MCRIP1: variants seen among roughly 807,000 people sequenced by gnomAD.
The protein encoded by MCRIP1 is mapk-regulated corepressor-interacting protein 1.
A neutral mutation model predicts 14.4 loss-of-function variants in MCRIP1; 10 were observed. The ratio of observed to expected loss-of-function variants is 0.70; its 90% CI spans 0.43 to 1.18. The LOEUF (loss-of-function observed/expected upper bound fraction) is 1.18, where lower values mean the gene tolerates loss of function less well. MCRIP1 is among the 50% of genes most tolerant of loss of function. The probability of loss-of-function intolerance (pLI) is 0.00; values close to 1 mark genes in which losing one functional copy is unlikely to be tolerated. For missense variants in MCRIP1, 119 were observed against 135.4 expected (o/e 0.88, Z 0.60); for synonymous variants, 53 against 55.7 (o/e 0.95, Z 0.21).
chr17:81,830,948 C>G (rs539110192), intron 1 of MCRIP1, among the ~76,000 whole-genome samples: 11 of 151,016 alleles, frequency 7.3e-5, no homozygotes, highest in Non-Finnish European at 1.3e-4. Flanking sequence ...GAAGGATCAT[C>G]TGAGGTCAGG....
Position 81,823,253 on chromosome 17 carries a change from C to G in MCRIP1, c.288G>C (p.Lys96Asn). The change falls in exon 5 of 5, where the codon AAG becomes AAC. Residue 96 changes from lysine to asparagine, a missense_variant. Physicochemically the swap from Lys to Asn is moderately conservative, Grantham distance 94 (BLOSUM62 0). Coordinates refer to ENST00000455127, the MANE Select transcript of MCRIP1 (RefSeq NM_207368.5). The surrounding 1 kb of genome is among the most constrained non-coding windows in gnomAD (Gnocchi z 6.0). ...GGGAGGGGCACCGGGCGCTCTAGGACTTCTTGGCATCCTGCGTGCTCCGGC... is the reference window on the plus strand; with the variant it reads ...GGGAGGGGCACCGGGCGCTCTAGGAGTTCTTGGCATCCTGCGTGCTCCGGC... The part of the protein sequence containing the change: ...LKRRSTQDAK[K>N]S 1 of 1,536,764 alleles carries G rather than the reference C, an allele frequency of 6.5e-7. No individual in the cohort carries two copies. The highest frequency in any genetic ancestry group is 8.7e-7 in the Non-Finnish European group (1 of 1,146,804).
At chr17:81,824,822 TC>T (rs1311631791) in intron 1 of MCRIP1, 2 of 1,340,030 alleles carry the variant, frequency 1.5e-6, no homozygotes, top group African/African-American at 3.0e-5. Context: ...GCGGCCTTGA[TC>T]CTCCACGTCT....
chr17:81,828,545 T>C (rs1344876906), intron 1 of MCRIP1, among the ~76,000 whole-genome samples: 1 of 152,046 alleles, frequency 6.6e-6, no homozygotes, highest in African/African-American at 2.4e-5. Flanking sequence ...CTGGAGAATT[T>C]CACTCGTAAT....
chr17:81,831,210 T>C (rs1229901173), intron 1 of MCRIP1, among the ~76,000 whole-genome samples: 1 of 148,644 alleles, frequency 6.7e-6, no homozygotes, highest in East Asian at 2.0e-4. Context: ...CATGGTGGTA[T>C]GCACCTGTAA....
intron 1 of MCRIP1, chr17:81,825,727 C>A (rs551301179): frequency 3.6e-5 from 47 of 1,289,334 alleles, no homozygotes; most frequent in Admixed American, 2.5e-4. Context: ...GGAGTGAGGT[C>A]CAAAAAGGGC....
chr17:81,827,944 C>G (rs1009606671), intron 1 of MCRIP1, among the ~76,000 whole-genome samples: 1 of 151,760 alleles, frequency 6.6e-6, no homozygotes, highest in African/African-American at 2.4e-5. Flanking sequence ...CCACGCCCAG[C>G]TAATTTTTTC....
chr17:81,826,185 C>G, intron 1 of MCRIP1: 2 of 1,507,138 alleles, frequency 1.3e-6, no homozygotes, highest in Non-Finnish European at 1.8e-6. Flanking sequence ...CCCACATCCT[C>G]CCAAGCAACT....
chr17:81,832,319 G>A (rs146960157), intron 1 of MCRIP1, among the ~76,000 whole-genome samples: 97 of 152,220 alleles, frequency 6.4e-4, no homozygotes, highest in African/African-American at 2.2e-3. Flanking sequence ...TCTAAGCGCT[G>A]CACCACCTCC....
At chr17:81,825,250 G>A in intron 1 of MCRIP1, 4 of 1,090,624 alleles carry the variant, frequency 3.7e-6, no homozygotes, top group Non-Finnish European at 2.2e-6. Flanking sequence ...CCCGTTTATG[G>A]CCTCCCAGCC....
intron 1 of MCRIP1, chr17:81,825,470 T>A (rs1598249934): frequency 1.7e-6 from 2 of 1,198,550 alleles, no homozygotes; most frequent in East Asian, 1.2e-4. Context: ...GAGGGGGCTT[T>A]GAGCACAAGC....
chr17:81,829,421 C>T (rs952454693), intron 1 of MCRIP1, among the ~76,000 whole-genome samples: 2 of 152,250 alleles, frequency 1.3e-5, no homozygotes, highest in African/African-American at 2.4e-5. Flanking sequence ...GTTTTCCTTC[C>T]CTCTTTCTGT....
At chr17:81,826,465 G>A (rs942177995) in intron 1 of MCRIP1, 5 of 1,250,396 alleles carry the variant, frequency 4.0e-6, no homozygotes, top group Non-Finnish European at 5.6e-6. Flanking sequence ...CAAGGCTGCA[G>A]GGAGCCAAGA....
intron 1 of MCRIP1, chr17:81,824,821 A>C: frequency 2.2e-6 from 3 of 1,335,626 alleles, no homozygotes; most frequent in Non-Finnish European, 1.9e-6. Flanking sequence ...AGCGGCCTTG[A>C]TCCTCCACGT....
Position 81,825,415 on chromosome 17 carries a change from G to C in MCRIP1, c.-48-861C>G, listed in dbSNP as rs527675688. On this transcript the variant is annotated intron_variant, in intron 1 of 4. Transcript: ENST00000455127. The stretch of plus-strand genomic sequence containing the variant: ...GTCTCCAGCCTGCCCTGCTCCAGAG[G>C]GGGCAACTCCAGGTTCTGGGGGAGG... 1.6e-5 allele frequency: 19 copies of C among 1,189,826 alleles called. No individual in the cohort carries two copies. In the East Asian group the frequency reaches 2.3e-4, roughly 15 times the overall value. 73.7% of individuals were successfully genotyped at this position (1,189,826 alleles called of 1,614,324 possible).
At chr17:81,829,102 T>C (rs1232297656) in intron 1 of MCRIP1, among the ~76,000 whole-genome samples, 1 of 152,074 alleles carries the variant, frequency 6.6e-6, no homozygotes. Flanking sequence ...CAGGGGACAA[T>C]GGCACAGGCC....
intron 1 of MCRIP1, among the ~76,000 whole-genome samples, chr17:81,829,819 G>A (rs2038482037): frequency 6.6e-6 from 1 of 152,140 alleles, no homozygotes; most frequent in African/African-American, 2.4e-5. Context: ...TCCAGTTCCA[G>A]ACACCCAGCA....
rs903295294 is a variant in MCRIP1 at position 81,827,207 on chromosome 17, C to T, written c.-48-2653G>A. On this transcript the variant is annotated intron_variant, in intron 1 of 4. Transcript: ENST00000455127. ...CTTTGGGAGGCTAAAGAGGGCAGAT[C>T]ACTTGAGCCCAAGAGTTCAAAACCA... 6.6e-5 allele frequency among the ~76,000 whole-genome samples: 10 copies of T among 151,864 alleles called. No individual in the cohort carries two copies. In the South Asian group the frequency reaches 1.9e-3, roughly 28 times the overall value.
At chr17:81,824,169 C>T in intron 3 of MCRIP1, 118 bp downstream of exon 3, 1 of 823,556 alleles carries the variant, frequency 1.2e-6, no homozygotes, top group Non-Finnish European at 2.0e-6. Context: ...GCTATCTGTG[C>T]CCTGGAGGGG....
At chr17:81,828,489 C>T (rs1434675144) in intron 1 of MCRIP1, among the ~76,000 whole-genome samples, 1 of 152,116 alleles carries the variant, frequency 6.6e-6, no homozygotes, top group African/African-American at 2.4e-5. Flanking sequence ...TATGACCCAG[C>T]CATTCTGCTC....
Sources: gnomAD v4.1 joint callset for allele counts (sites outside exome capture counted in the v4.1 genomes callset) on GRCh38, gnomAD v4.1.1 for gene constraint, Gnocchi (gnomAD v3.1) non-coding constraint, MANE v1.5 for transcripts, NCBI Gene and HGNC (gene_info 2026-07-23, HGNC 2026-07-21) for gene names.